The following ATP5MJ variants were observed in gnomAD, a reference collection of about 807,000 sequenced individuals.
The protein encoded by ATP5MJ is ATP synthase membrane subunit j.
In ATP5MJ, 4 loss-of-function variants were observed where a neutral mutation model predicts 8.3. The observed-to-expected ratio is 0.48, with a 90% CI of 0.24 to 1.11. The LOEUF (loss-of-function observed/expected upper bound fraction) is 1.11. Ranked by LOEUF, ATP5MJ falls within the 50% of genes least tolerant of loss-of-function variation. The probability of loss-of-function intolerance (pLI) is 0.18; values close to 1 mark genes in which losing one functional copy is unlikely to be tolerated. For missense variants in ATP5MJ, 66 were observed against 71.8 expected (o/e 0.92, Z 0.29); for synonymous variants, 23 against 21.3 (o/e 1.08, Z -0.23).
chr14:103,918,839 G>A (rs1383100299), intron 1 of ATP5MJ, among the ~76,000 whole-genome samples: 1 of 151,900 alleles, frequency 6.6e-6, no homozygotes, highest in Non-Finnish European at 1.5e-5. Context: ...TGGCTAACAC[G>A]GTGAAACCCC....
intron 1 of ATP5MJ, among the ~76,000 whole-genome samples, chr14:103,917,230 C>T (rs1395603286): frequency 6.6e-6 from 1 of 152,158 alleles, no homozygotes; most frequent in Non-Finnish European, 1.5e-5. Flanking sequence ...GTTTTCTCAT[C>T]TGTAAAACAG....
chr14:103,912,721 A>G lies in ATP5MJ; in HGVS notation c.149-27T>C, dbSNP rs776298957. The G allele has an allele frequency of 1.9e-6, 3 of 1,609,686 alleles. No individual in the cohort carries two copies. The African/African-American group carries it at 4.0e-5, about 22-fold the overall frequency. Reference sequence around the variant, plus strand: ...TTTTGAAAGAGATGCATATATAAATATGATTTAAGAAGGAAGGAACAAGTT... The same window carrying G: ...TTTTGAAAGAGATGCATATATAAATGTGATTTAAGAAGGAAGGAACAAGTT... On this transcript the variant is annotated intron_variant, in intron 3 of 3. Transcript: ENST00000286953.
At chr14:103,919,094 G>C (rs2087650115) in intron 1 of ATP5MJ, among the ~76,000 whole-genome samples, 1 of 152,026 alleles carries the variant, frequency 6.6e-6, no homozygotes, top group African/African-American at 2.4e-5. Context: ...TAAAAATCCA[G>C]AGAATGGACT....
At chr14:103,920,633 A>G (rs1029386907) in intron 1 of ATP5MJ, among the ~76,000 whole-genome samples, 2 of 148,118 alleles carry the variant, frequency 1.4e-5, no homozygotes, top group South Asian at 2.2e-4. Flanking sequence ...CACCACACCC[A>G]GCTAATTTTT....
rs1444229299 is a variant in ATP5MJ at position 103,912,372 on chromosome 14, C to G, written c.*294G>C. The G allele has an allele frequency of 5.0e-6, 2 of 400,362 alleles. No homozygotes were observed. The highest frequency in any genetic ancestry group is 7.7e-5 in the East Asian group (2 of 25,988). 24.8% of individuals were successfully genotyped at this position (400,362 alleles called of 1,614,324 possible). ...TGGATCCTGATCACCAAGTCCTGTA[C>G]AACTGAGGTAATTATTTCACAATGA... On this transcript the variant is annotated 3_prime_UTR_variant, in exon 4 of 4. Transcript: ENST00000286953.
At position 103,914,630 on chromosome 14, in the gene ATP5MJ, A is replaced by T. The variant is rs140945374; in HGVS notation, c.124+436T>A. 2.9e-4 allele frequency: 169 copies of T among 585,786 alleles called. No individual in the cohort carries two copies. In the East Asian group the frequency reaches 4.7e-3, roughly 16 times the overall value. The allele number at this position is 585,786 out of a possible 1,614,324, so 36.3% of individuals were successfully genotyped here. A position where few individuals can be genotyped will look rare whatever the true frequency, so the allele number is the denominator to read the frequency against. On this transcript the variant is annotated intron_variant, in intron 2 of 3. Transcript: ENST00000286953. Reference sequence around the variant, plus strand: ...AGCCTGGGTAACATGGCAAAACCCCATCTCTACAAAAAAAAAAAGTACAAA... The same window carrying T: ...AGCCTGGGTAACATGGCAAAACCCCTTCTCTACAAAAAAAAAAAGTACAAA...
At position 103,914,592 on chromosome 14, in the gene ATP5MJ, G is replaced by C. The variant is rs1055233755; in HGVS notation, c.124+474C>G. 1.0e-5 allele frequency: 7 copies of C among 676,156 alleles called. No homozygotes were observed. The East Asian group carries it at 1.6e-4, about 16-fold the overall frequency. 41.9% of individuals were successfully genotyped at this position (676,156 alleles called of 1,614,324 possible). ...AAGATTGGAGGACTGCTTGAGCCCA[G>C]GAGTTCAAGACCAGCCTGGGTAACA... On this transcript the variant is annotated intron_variant, in intron 2 of 3. Transcript: ENST00000286953.
At chr14:103,916,124 A>C (rs2087623714) in intron 1 of ATP5MJ, among the ~76,000 whole-genome samples, 1 of 152,226 alleles carries the variant, frequency 6.6e-6, no homozygotes, top group Admixed American at 6.5e-5. Flanking sequence ...AAAACAGATG[A>C]CATAAGACAA....
At chr14:103,914,010 G>A in intron 2 of ATP5MJ, 26 bp from the exon 3 acceptor site, 1 of 1,596,368 alleles carries the variant, frequency 6.3e-7, no homozygotes, top group Non-Finnish European at 8.6e-7. Flanking sequence ...GGAAAAAAAA[G>A]CAGTCATATC....
intron 2 of ATP5MJ, 46 bp from the exon 3 acceptor site, chr14:103,914,030 C>T: frequency 6.5e-7 from 1 of 1,545,918 alleles, no homozygotes; most frequent in Admixed American, 1.9e-5. Context: ...CAATGCTTTA[C>T]AAAAATGCCT....
At chr14:103,920,104 C>G (rs564712348) in intron 1 of ATP5MJ, among the ~76,000 whole-genome samples, 1 of 150,054 alleles carries the variant, frequency 6.7e-6, no homozygotes, top group East Asian at 2.0e-4. Context: ...GGATTACAGG[C>G]GTGAACCACC....
chr14:103,915,179 C>T lies in ATP5MJ; in HGVS notation c.11G>A (p.Ser4Asn). The part of the protein sequence containing the change: MLQ[S>N]IIKNIWIPMK... ...GGGGATCCATATGTTTTTAATAATA[C>T]TTTGAAGCATCTGAAAATGAACACA... The change falls in exon 2 of 4, where the codon AGT becomes AAT. Residue 4 changes from serine to asparagine, a missense_variant. By Grantham distance (46) the Ser-to-Asn change is conservative. Transcript: ENST00000286953. 1 of 1,612,406 alleles carries T rather than the reference C, an allele frequency of 6.2e-7. No homozygotes were observed. The highest frequency in any genetic ancestry group is 8.5e-7 in the Non-Finnish European group (1 of 1,179,266).
At chr14:103,912,809 AC>A in intron 3 of ATP5MJ, 115 bp from the exon 4 acceptor site, 2 of 965,810 alleles carry the variant, frequency 2.1e-6, no homozygotes, top group South Asian at 2.8e-5. Context: ...GATAAATGAC[AC>A]CTTTCAATAC....
intron 1 of ATP5MJ, chr14:103,920,962 T>C: frequency 3.9e-6 from 6 of 1,551,654 alleles, no homozygotes; most frequent in Non-Finnish European, 5.2e-6. Context: ...ATGGGAAATG[T>C]CTGACCCGCG....
intron 1 of ATP5MJ, chr14:103,921,074 G>C (rs2087674580): frequency 6.5e-7 from 1 of 1,535,018 alleles, no homozygotes; most frequent in South Asian, 1.2e-5. Context: ...GCAGTGTGGC[G>C]CAAGGAAACT....
At chr14:103,918,315 C>T (rs2087641853) in intron 1 of ATP5MJ, among the ~76,000 whole-genome samples, 4 of 151,996 alleles carry the variant, frequency 2.6e-5, no homozygotes, top group Admixed American at 2.0e-4. Flanking sequence ...TCTGCCTGGT[C>T]AGCTCTCAAC....
rs970878256 is a variant in ATP5MJ at position 103,920,913 on chromosome 14, C to A, written c.-1+557G>T. ...TCCACTTAAGTCTGCAAAGTTTTGG[C>A]ACATTACATTAAGGGCGAACTATTA... On this transcript the variant is annotated intron_variant, in intron 1 of 3. Coordinates refer to ENST00000286953, the MANE Select transcript of ATP5MJ (RefSeq NM_004894.3). The A allele has an allele frequency of 1.3e-5, 19 of 1,518,458 alleles. No individual in the cohort carries two copies. The African/African-American group carries it at 1.8e-4, about 14-fold the overall frequency. 94.1% of individuals were successfully genotyped at this position (1,518,458 alleles called of 1,614,324 possible). A position where few individuals can be genotyped will look rare whatever the true frequency, so the allele number is the denominator to read the frequency against.
At position 103,912,459 on chromosome 14, in the gene ATP5MJ, G is replaced by A; in HGVS notation, c.*207C>T. ...ATGACAAATTATCTACTCAGAGTATGCCTGACACGCCGGAGGGGCTGAGGG... is the reference window on the plus strand; with the variant it reads ...ATGACAAATTATCTACTCAGAGTATACCTGACACGCCGGAGGGGCTGAGGG... On this transcript the variant is annotated 3_prime_UTR_variant, in exon 4 of 4. Transcript: ENST00000286953. 1.7e-6 allele frequency: 1 copy of A among 602,290 alleles called. No homozygotes were observed. Among genetic ancestry groups the A allele is most frequent in the South Asian group, 2.2e-5 (1 of 45,570 alleles). 37.3% of individuals were successfully genotyped at this position (602,290 alleles called of 1,614,324 possible).
intron 2 of ATP5MJ, 97 bp downstream of exon 2, chr14:103,914,969 A>C: frequency 1.3e-6 from 2 of 1,492,184 alleles, no homozygotes; most frequent in Non-Finnish European, 1.8e-6. Context: ...GTTCATACCT[A>C]GTTAGAACCC....
Sources: allele counts gnomAD v4.1 joint callset (sites outside exome capture counted in the v4.1 genomes callset), GRCh38; gene constraint gnomAD v4.1.1; transcripts MANE v1.5; gene names NCBI Gene and HGNC (gene_info 2026-07-23, HGNC 2026-07-21).